Variants in SETBP1 observed in about 807,000 individuals in gnomAD.
SETBP1 encodes SET binding protein 1, also known as SET-binding protein.
SETBP1 carries 9 observed loss-of-function variants against 101.0 expected under a neutral mutation model. The ratio of observed to expected loss-of-function variants is 0.09; its 90% CI spans 0.05 to 0.16. SETBP1 has a LOEUF of 0.16. Among genes scored for constraint, SETBP1 ranks in the 10% least tolerant of loss-of-function variants. The pLI is 1.00. For missense variants in SETBP1, 1,858 were observed against 2,033.8 expected (o/e 0.91, Z 1.66); for synonymous variants, 818 against 788.5 (o/e 1.04, Z -0.63).
chr18:45,043,363 T>TCACA (rs1555649570), intron 5 of SETBP1, among the ~76,000 whole-genome samples: 40 of 149,524 alleles, frequency 2.7e-4, no homozygotes, highest in South Asian at 1.9e-3. Flanking sequence ...TCTCTCTCTC[T>TCACA]CTCACACACT....
At chr18:44,809,051 T>G (rs2071806107) in intron 2 of SETBP1, among the ~76,000 whole-genome samples, 1 of 152,200 alleles carries the variant, frequency 6.6e-6, no homozygotes, top group Admixed American at 6.5e-5. Context: ...GTGAGAATAG[T>G]GCCTTTTTCT....
chr18:45,021,409 A>C (rs1416804138), intron 4 of SETBP1, among the ~76,000 whole-genome samples: 1 of 152,202 alleles, frequency 6.6e-6, no homozygotes, highest in African/African-American at 2.4e-5. Context: ...TCTCCTGGTT[A>C]AACTGCCTGT....
intron 1 of SETBP1, among the ~76,000 whole-genome samples, chr18:44,687,111 G>A (rs1366972791): frequency 6.6e-6 from 1 of 152,218 alleles, no homozygotes; most frequent in Non-Finnish European, 1.5e-5. Context: ...AACAGAGAAG[G>A]CTGAGGAGGC....
chr18:44,919,273 C>T (rs2070520208), intron 3 of SETBP1, among the ~76,000 whole-genome samples: 3 of 152,008 alleles, frequency 2.0e-5, no homozygotes, highest in African/African-American at 7.3e-5. Flanking sequence ...CTCATTTCAC[C>T]TAGGTCTCCA....
intron 5 of SETBP1, among the ~76,000 whole-genome samples, chr18:45,040,413 A>G (rs1326545500): frequency 1.3e-5 from 2 of 152,186 alleles, no homozygotes; most frequent in South Asian, 2.1e-4. Context: ...GCTGACTTCA[A>G]AAAAGACATC....
intron 3 of SETBP1, among the ~76,000 whole-genome samples, chr18:44,873,683 C>T (rs921740247): frequency 6.6e-6 from 1 of 151,804 alleles, no homozygotes; most frequent in Non-Finnish European, 1.5e-5. Flanking sequence ...AGGAGAGCAT[C>T]GTGGGAAATT....
At chr18:44,962,350 G>T (rs1046119231) in intron 4 of SETBP1, among the ~76,000 whole-genome samples, 1 of 152,152 alleles carries the variant, frequency 6.6e-6, no homozygotes, top group Non-Finnish European at 1.5e-5. Flanking sequence ...GAGTGGGGAT[G>T]GATTTTTAAG....
intron 2 of SETBP1, among the ~76,000 whole-genome samples, chr18:44,797,514 G>C (rs746335312): frequency 1.7e-4 from 26 of 152,168 alleles, no homozygotes; most frequent in Admixed American, 2.6e-4. Flanking sequence ...CCACTACCCT[G>C]TCCCTACCCC....
chr18:44,948,859 C>A (rs2071271931), intron 3 of SETBP1, among the ~76,000 whole-genome samples: 1 of 152,192 alleles, frequency 6.6e-6, no homozygotes, highest in African/African-American at 2.4e-5. Context: ...CCTCCAGCAA[C>A]ATGTTCAGCT....
intron 2 of SETBP1, among the ~76,000 whole-genome samples, chr18:44,738,269 T>C (rs1486272691): frequency 6.6e-6 from 1 of 152,204 alleles, no homozygotes; most frequent in African/African-American, 2.4e-5. Flanking sequence ...TGTAGTCATA[T>C]GTGCCTATGT....
intron 2 of SETBP1, among the ~76,000 whole-genome samples, chr18:44,755,309 A>G (rs888997271): frequency 2.6e-5 from 4 of 152,192 alleles, no homozygotes; most frequent in Non-Finnish European, 4.4e-5. Context: ...GTTTCTGGGC[A>G]TGTCTGAGGG....
intron 2 of SETBP1, among the ~76,000 whole-genome samples, chr18:44,762,058 C>T (rs569483412): frequency 2.6e-5 from 4 of 152,240 alleles, no homozygotes; most frequent in African/African-American, 9.6e-5. Context: ...ATGTAATGAA[C>T]TGGGCCAGCT....
intron 3 of SETBP1, among the ~76,000 whole-genome samples, chr18:44,882,623 T>G (rs760034440): frequency 6.6e-6 from 1 of 152,116 alleles, no homozygotes; most frequent in Non-Finnish European, 1.5e-5. Flanking sequence ...TGAGTGACTC[T>G]TGGACTCCTC....
At chr18:44,700,855 ACT>A (rs907479005) in intron 1 of SETBP1, among the ~76,000 whole-genome samples, 10 of 152,092 alleles carry the variant, frequency 6.6e-5, no homozygotes, top group Non-Finnish European at 1.5e-4. Context: ...TTTAACAGTG[ACT>A]CAGCCAGCTG....
At chr18:45,050,344 T>A (rs1335402469) in intron 5 of SETBP1, among the ~76,000 whole-genome samples, 1 of 152,158 alleles carries the variant, frequency 6.6e-6, no homozygotes, top group Non-Finnish European at 1.5e-5. Flanking sequence ...AGAGTAAAAG[T>A]CCTTTTTGTC....
chr18:44,738,244 G>A (rs1020750945), intron 2 of SETBP1, among the ~76,000 whole-genome samples: 4 of 152,114 alleles, frequency 2.6e-5, no homozygotes, highest in African/African-American at 9.7e-5. Flanking sequence ...ATTGTTTGAA[G>A]AACGACATCT....
At chr18:44,758,331 A>C (rs1568128269) in intron 2 of SETBP1, among the ~76,000 whole-genome samples, 2 of 152,192 alleles carry the variant, frequency 1.3e-5, no homozygotes, top group Non-Finnish European at 2.9e-5. Context: ...ACAGCTGAGA[A>C]TAGATCTCAG....
chr18:44,811,402 C>CT (rs1434328065), intron 2 of SETBP1, among the ~76,000 whole-genome samples: 1 of 152,226 alleles, frequency 6.6e-6, no homozygotes, highest in Non-Finnish European at 1.5e-5. Context: ...TTCCATACTG[C>CT]TCCACATGCT....
chr18:44,690,683 T>G (rs1335947040), intron 1 of SETBP1, among the ~76,000 whole-genome samples: 1 of 152,228 alleles, frequency 6.6e-6, no homozygotes, highest in Non-Finnish European at 1.5e-5. Context: ...AACAAATCCC[T>G]CAACTTTAAT....
Sources: gnomAD v4.1 joint callset for allele counts (sites outside exome capture counted in the v4.1 genomes callset) on GRCh38, gnomAD v4.1.1 for gene constraint, MANE v1.5 for transcripts, NCBI Gene and HGNC (gene_info 2026-07-23, HGNC 2026-07-21) for gene names.